The following WNT3A variants were observed in gnomAD, a reference collection of about 807,000 sequenced individuals.
WNT3A encodes Wnt family member 3A.
WNT3A carries 17 observed loss-of-function variants against 37.0 expected under a neutral mutation model. The ratio of observed to expected loss-of-function variants is 0.46; its 90% CI spans 0.31 to 0.69. The LOEUF is 0.69. Among genes scored for constraint, WNT3A ranks in the 30% least tolerant of loss-of-function variants. WNT3A has a pLI of 0.05. For synonymous variants in WNT3A, 187 were observed against 211.0 expected, an observed-to-expected ratio of 0.89 and a Z score of 0.99; for missense variants, 411 against 510.2, an observed-to-expected ratio of 0.81 and a Z score of 1.87.
intron 2 of WNT3A, among the ~76,000 whole-genome samples, chr1:228,034,442 G>GT (rs1182374041): frequency 1.3e-5 from 2 of 152,136 alleles, no homozygotes; most frequent in Non-Finnish European, 2.9e-5. Flanking sequence ...TCTGGATGCA[G>GT]TTTTTTCATT....
chr1:228,052,845 T>C (rs2031587070), intron 3 of WNT3A, among the ~76,000 whole-genome samples: 1 of 152,086 alleles, frequency 6.6e-6, no homozygotes, highest in African/African-American at 2.4e-5. Flanking sequence ...ATGGGAGAAA[T>C]GGGCTTTTCA....
chr1:228,055,216 A>ATATATATG (rs1490963885), intron 3 of WNT3A, among the ~76,000 whole-genome samples: 28 of 130,322 alleles, frequency 2.1e-4, no homozygotes, highest in Non-Finnish European at 4.0e-4. Context: ...ATATATATAT[A>ATATATATG]TATACACACA....
At chr1:228,047,116 A>G (rs1196347589) in intron 2 of WNT3A, among the ~76,000 whole-genome samples, 1 of 152,186 alleles carries the variant, frequency 6.6e-6, no homozygotes, top group Non-Finnish European at 1.5e-5. Flanking sequence ...GTCTCCAGCC[A>G]GCAAGCAGAG....
At position 228,059,062 on chromosome 1, in the gene WNT3A, G is replaced by C. The variant is rs780521544; in HGVS notation, c.656G>C (p.Trp219Ser). The C allele has an allele frequency of 6.2e-7, 1 of 1,613,622 alleles. No individual in the cohort carries two copies. Among genetic ancestry groups the C allele is most frequent in the East Asian group, 2.2e-5 (1 of 44,868 alleles). ...AGCTGCGAGGTGAAGACATGCTGGT[G>C]GTCGCAACCCGACTTCCGCGCCATC... ...SGSCEVKTCW[W>S]SQPDFRAIGD... The change falls in exon 4 of 4, where the codon TGG (tryptophan) becomes TCG (serine). Residue 219 changes from tryptophan to serine, a missense_variant. By Grantham distance (177) the Trp-to-Ser change is radical. Coordinates refer to ENST00000284523, the MANE Select transcript of WNT3A (RefSeq NM_033131.4).
intron 2 of WNT3A, among the ~76,000 whole-genome samples, chr1:228,033,156 G>T (rs1261091272): frequency 6.6e-6 from 1 of 152,110 alleles, no homozygotes; most frequent in East Asian, 1.9e-4. Flanking sequence ...GGTGTCCTTT[G>T]ATACATGCAA....
At chr1:228,009,355 C>T (rs1032753505) in intron 1 of WNT3A, among the ~76,000 whole-genome samples, 2 of 152,122 alleles carry the variant, frequency 1.3e-5, no homozygotes, top group African/African-American at 4.8e-5. Context: ...CTGCAGGACC[C>T]CTGCTGCTGG....
rs779383747 is a variant in WNT3A, at chr1:228,059,204, C to G, written c.798C>G (p.Pro266=). 3.7e-6 allele frequency: 6 copies of G among 1,611,936 alleles called. No homozygotes were observed. In the South Asian group the frequency reaches 6.6e-5, roughly 18 times the overall value. Residue 266 remains proline (P), a synonymous_variant, in exon 4 of 4, where the codon CCC becomes CCG. Coordinates refer to ENST00000284523, the MANE Select transcript of WNT3A (RefSeq NM_033131.4). Reference sequence around the variant, plus strand: ...CGCGCTACACCTACTTCAAGGTGCCCACGGAGCGCGACCTGGTCTACTACG... The same window carrying G: ...CGCGCTACACCTACTTCAAGGTGCCGACGGAGCGCGACCTGGTCTACTACG... ...LRPRYTYFKV[P]TERDLVYYEA... is the part of the protein sequence containing the mutation.
rs535714777 is a variant in WNT3A at position 228,037,491 on chromosome 1, G to C, written c.314-13165G>C. On this transcript the variant is annotated intron_variant, in intron 2 of 3. Transcript: ENST00000284523. The surrounding 1 kb of genome is among the most constrained non-coding windows in gnomAD (Gnocchi z 4.1). ...CCCGCTGAGCCCCCAGGAGCCCCTC[G>C]GGGGTGGTCCGCCACCTCCCTGTGT... 3.9e-5 allele frequency among the ~76,000 whole-genome samples: 6 copies of C among 152,126 alleles called. No individual in the cohort carries two copies. In the East Asian group the frequency reaches 1.2e-3, roughly 30 times the overall value.
intron 3 of WNT3A, among the ~76,000 whole-genome samples, chr1:228,053,666 C>A (rs145421759): frequency 1.7e-3 from 253 of 151,970 alleles, no homozygotes; most frequent in African/African-American, 6.0e-3. Flanking sequence ...GGAAAATTGG[C>A]CAAAAAATTA....
At chr1:228,054,907 G>T (rs1454326849) in intron 3 of WNT3A, among the ~76,000 whole-genome samples, 2 of 151,026 alleles carry the variant, frequency 1.3e-5, no homozygotes, top group Admixed American at 1.3e-4. Flanking sequence ...TGTGATCCCA[G>T]CACTTTGGGA....
chr1:228,036,526 C>T (rs1255828180), intron 2 of WNT3A, among the ~76,000 whole-genome samples: 1 of 152,182 alleles, frequency 6.6e-6, no homozygotes, highest in African/African-American at 2.4e-5. Flanking sequence ...AACCATCAGT[C>T]CTTGGAACAT....
intron 1 of WNT3A, among the ~76,000 whole-genome samples, chr1:228,020,535 C>T (rs1359134102): frequency 1.3e-5 from 2 of 152,152 alleles, no homozygotes; most frequent in Non-Finnish European, 2.9e-5. Context: ...GTTGCCGGGA[C>T]TCAAAGGAAG....
chr1:228,007,692 C>T lies in WNT3A; in HGVS notation c.71+493C>T, dbSNP rs1330164548. Among the ~76,000 whole-genome samples, 5 of 152,154 alleles carry T rather than the reference C, an allele frequency of 3.3e-5. No homozygotes were observed. The East Asian group carries it at 9.7e-4, about 29-fold the overall frequency. ...TGAACAGCTCGGAGCAGCGTGGTTA[C>T]GTAAAGAAAGCTGGGACCCGGCGGG... On this transcript the variant is annotated intron_variant, in intron 1 of 3. Transcript: ENST00000284523. This position sits in a 1 kb window ranked among gnomAD's most constrained non-coding sequence, Gnocchi z 6.0.
rs960784245 is a variant in WNT3A, at chr1:228,023,022, A to G, written c.313+114A>G. On this transcript the variant is annotated intron_variant, in intron 2 of 3. Coordinates refer to ENST00000284523, the MANE Select transcript of WNT3A (RefSeq NM_033131.4). Reference sequence around the variant, plus strand: ...ACGGTGGGAACAGTGCCTCACGCGGACGCTGGGGTCCTTCCCGCTTACCTC... The same window carrying G: ...ACGGTGGGAACAGTGCCTCACGCGGGCGCTGGGGTCCTTCCCGCTTACCTC... The G allele has an allele frequency of 6.8e-6, 10 of 1,464,438 alleles. No individual in the cohort carries two copies. In the Admixed American group the frequency reaches 1.5e-4, roughly 23 times the overall value. 90.7% of individuals were successfully genotyped at this position (1,464,438 alleles called of 1,614,324 possible). A position where few individuals can be genotyped will look rare whatever the true frequency, so the allele number is the denominator to read the frequency against.
rs1419036560 is a variant in WNT3A at position 228,008,258 on chromosome 1, C to T, written c.71+1059C>T. The stretch of plus-strand genomic sequence containing the variant: ...GGACCCACAGTTGGAGAGAAGCCTC[C>T]CCACAAGCATGCACACTCCCCCCCA... On this transcript the variant is annotated intron_variant, in intron 1 of 3. Coordinates refer to ENST00000284523, the MANE Select transcript of WNT3A (RefSeq NM_033131.4). This position sits in a 1 kb window ranked among gnomAD's most constrained non-coding sequence, Gnocchi z 4.9. Among the ~76,000 whole-genome samples, 2 of 152,190 alleles carry T rather than the reference C, an allele frequency of 1.3e-5. No homozygotes were observed. The highest frequency in any genetic ancestry group is 2.9e-5 in the Non-Finnish European group (2 of 68,028).
At chr1:228,020,946 C>T (rs1484047246) in intron 1 of WNT3A, among the ~76,000 whole-genome samples, 1 of 152,164 alleles carries the variant, frequency 6.6e-6, no homozygotes, top group Non-Finnish European at 1.5e-5. Context: ...CCAGTGGACA[C>T]ATCGACAGGT....
intron 2 of WNT3A, among the ~76,000 whole-genome samples, chr1:228,041,128 T>A (rs1381050434): frequency 2.0e-5 from 3 of 151,950 alleles, no homozygotes; most frequent in African/African-American, 7.3e-5. Flanking sequence ...AGTCCCCAGA[T>A]GCTCTCTGAT....
rs148923278 is a variant in WNT3A at position 228,059,115 on chromosome 1, A to C, written c.709A>C (p.Ser237Arg). 51 of 1,613,648 alleles carry C rather than the reference A, an allele frequency of 3.2e-5. No individual in the cohort carries two copies. The highest frequency in any genetic ancestry group is 4.2e-5 in the Non-Finnish European group (50 of 1,179,986). The change falls in exon 4 of 4, where the codon AGC (serine) becomes CGC (arginine). Residue 237 changes from serine to arginine, a missense_variant. Ser to Arg is a moderately radical substitution (Grantham distance 110). Coordinates refer to ENST00000284523, the MANE Select transcript of WNT3A (RefSeq NM_033131.4). ...IGDFLKDKYD[S>R]ASEMVVEKHR... ...TGACTTCCTCAAGGACAAGTACGAC[A>C]GCGCCTCGGAGATGGTGGTGGAGAA...
chr1:228,010,605 G>A (rs563787571), intron 1 of WNT3A, among the ~76,000 whole-genome samples: 35 of 152,274 alleles, frequency 2.3e-4, no homozygotes, highest in East Asian at 1.9e-3. Flanking sequence ...CTCTCAGGCC[G>A]TTCCTTCTGC....
Sources: allele counts gnomAD v4.1 joint callset (sites outside exome capture counted in the v4.1 genomes callset), GRCh38; gene constraint gnomAD v4.1.1; non-coding constraint Gnocchi (gnomAD v3.1); transcripts MANE v1.5; gene names NCBI Gene and HGNC (gene_info 2026-07-23, HGNC 2026-07-21).